SLC38A6: variants seen among roughly 807,000 people sequenced by gnomAD.
The protein encoded by SLC38A6 is solute carrier family 38 member 6, also known as N system amino acid transporter NAT-1.
SLC38A6 carries 73 observed loss-of-function variants against 65.0 expected under a neutral mutation model. That is an observed-to-expected ratio of 1.12 (90% confidence interval 0.93 to 1.37). The LOEUF (loss-of-function observed/expected upper bound fraction) is 1.37. Among genes scored for constraint, SLC38A6 ranks in the 40% most tolerant of loss-of-function variants. SLC38A6 has a pLI of 0.00. For synonymous variants in SLC38A6, 183 were observed against 178.8 expected, an observed-to-expected ratio of 1.02 and a Z score of -0.19; for missense variants, 561 against 531.1, an observed-to-expected ratio of 1.06 and a Z score of -0.55.
intron 3 of SLC38A6, among the ~76,000 whole-genome samples, chr14:60,996,478 A>G (rs190279302): frequency 5.7e-4 from 87 of 152,232 alleles, no homozygotes; most frequent in East Asian, 5.0e-3. Context: ...AGAAAAGATA[A>G]GAAAATTAGA....
At chr14:61,041,795 G>A (rs942096352) in intron 8 of SLC38A6, among the ~76,000 whole-genome samples, 12 of 152,118 alleles carry the variant, frequency 7.9e-5, no homozygotes, top group Non-Finnish European at 1.5e-4. Context: ...AGGCACTCGG[G>A]AGGCTGAGGT....
chr14:61,007,439 G>T (rs2039224841), intron 3 of SLC38A6, among the ~76,000 whole-genome samples: 1 of 152,142 alleles, frequency 6.6e-6, no homozygotes, highest in African/African-American at 2.4e-5. Flanking sequence ...AGATTAACCT[G>T]GGCAACATAG....
At chr14:60,988,278 C>CA (rs941707200) in intron 3 of SLC38A6, among the ~76,000 whole-genome samples, 2 of 152,186 alleles carry the variant, frequency 1.3e-5, no homozygotes, top group African/African-American at 4.8e-5. Flanking sequence ...TTGAACCCCC[C>CA]AGCTTTTAAT....
intron 9 of SLC38A6, 91 bp from the exon 10 acceptor site, chr14:61,043,359 C>A: frequency 8.7e-7 from 1 of 1,149,718 alleles, no homozygotes; most frequent in South Asian, 1.5e-5. Context: ...CATTTGAAAG[C>A]CTAGTAATAA....
intron 3 of SLC38A6, among the ~76,000 whole-genome samples, chr14:60,996,531 G>C (rs1340551869): frequency 6.6e-6 from 1 of 151,726 alleles, no homozygotes. Context: ...TAGAAATTCT[G>C]CAACAAGAAA....
At chr14:61,061,827 TTTTGTTTTG>T (rs1450295807) in intron 15 of SLC38A6, among the ~76,000 whole-genome samples, 16 of 145,230 alleles carry the variant, frequency 1.1e-4, no homozygotes, top group East Asian at 5.9e-4. Flanking sequence ...GTGCAGGTTT[TTTTGTTTTG>T]TTTTGTTTTG....
intron 13 of SLC38A6, 42 bp from the exon 14 acceptor site, chr14:61,051,745 G>A (rs1281065981): frequency 6.2e-7 from 1 of 1,601,754 alleles, no homozygotes; most frequent in East Asian, 2.2e-5. Context: ...TCTGGACTTT[G>A]ACATTTCCTC....
At chr14:61,025,101 C>G (rs1368307257) in intron 5 of SLC38A6, among the ~76,000 whole-genome samples, 1 of 152,086 alleles carries the variant, frequency 6.6e-6, no homozygotes, top group African/African-American at 2.4e-5. Context: ...GCACAGAATC[C>G]ACACACCTTA....
chr14:61,051,505 TTTA>T (rs778280762), intron 13 of SLC38A6, among the ~76,000 whole-genome samples: 27 of 152,310 alleles, frequency 1.8e-4, no homozygotes, highest in Non-Finnish European at 3.2e-4. Context: ...TTTTCATATT[TTTA>T]TTGTTGGTAA....
intron 1 of SLC38A6, chr14:60,981,585 C>G: frequency 1.3e-6 from 2 of 1,514,332 alleles, no homozygotes; most frequent in Non-Finnish European, 1.8e-6. Flanking sequence ...CTAGCATACT[C>G]TAGAAAGAAA....
chr14:61,026,735 C>T (rs2040634037), intron 5 of SLC38A6, among the ~76,000 whole-genome samples: 1 of 151,678 alleles, frequency 6.6e-6, no homozygotes, highest in Non-Finnish European at 1.5e-5. Flanking sequence ...CCCAGGCGGG[C>T]TGTTTGCACC....
At chr14:61,070,606 CT>C (rs1482977190) in intron 15 of SLC38A6, among the ~76,000 whole-genome samples, 12 of 152,210 alleles carry the variant, frequency 7.9e-5, no homozygotes, top group Admixed American at 7.9e-4. Flanking sequence ...TATGGTAGTT[CT>C]ATTTTAAATT....
chr14:61,013,949 A>T (rs1035755276), intron 3 of SLC38A6, among the ~76,000 whole-genome samples: 2 of 152,196 alleles, frequency 1.3e-5, no homozygotes, highest in Non-Finnish European at 2.9e-5. Context: ...AGGCTGGGGA[A>T]GTTCTCCTGG....
At chr14:61,061,166 A>G (rs899304935) in intron 15 of SLC38A6, among the ~76,000 whole-genome samples, 5 of 152,218 alleles carry the variant, frequency 3.3e-5, no homozygotes, top group African/African-American at 1.2e-4. Flanking sequence ...GAATTTTATC[A>G]GAAGCCTTTT....
chr14:60,986,265 A>G (rs1464518800), intron 3 of SLC38A6, among the ~76,000 whole-genome samples: 1 of 152,270 alleles, frequency 6.6e-6, no homozygotes, highest in Non-Finnish European at 1.5e-5. Flanking sequence ...TTTTATACAC[A>G]GAGAGCTCTA....
chr14:60,984,762 C>T lies in SLC38A6; in HGVS notation c.269C>T (p.Ser90Phe), dbSNP rs777457859. ...CTGCTGACAGTTGCTCTCCTGGCTT[C>T]TTACTCAGTCCATCTTCTGCTTAGT... ...FLLLTVALLA[S>F]YSVHLLLSMC... The change falls in exon 3 of 16, where the codon TCT (serine) becomes TTT (phenylalanine). Residue 90 changes from serine (S) to phenylalanine (F), a missense_variant. Ser to Phe is a radical substitution (Grantham distance 155). Coordinates refer to ENST00000267488, the MANE Select transcript of SLC38A6 (RefSeq NM_153811.3). 9 of 1,613,968 alleles carry T rather than the reference C, an allele frequency of 5.6e-6. No individual in the cohort carries two copies. In the South Asian group the frequency reaches 8.8e-5, roughly 16 times the overall value.
chr14:61,003,075 C>T (rs1448815600), intron 3 of SLC38A6, among the ~76,000 whole-genome samples: 2 of 151,802 alleles, frequency 1.3e-5, no homozygotes, highest in Non-Finnish European at 1.5e-5. Context: ...TACTAAACAC[C>T]AGAGAAAATT....
rs189717295 is a variant in SLC38A6 at position 61,076,189 on chromosome 14, G to A, written c.1291-2621G>A. On this transcript the variant is annotated intron_variant, in intron 15 of 16. Transcript: ENST00000354886. ...ACTTCTACTTAGATGGTGGCAGTAGGAATCAGAGGGAGTGGGGCCCCTAGG... is the reference window on the plus strand; with the variant it reads ...ACTTCTACTTAGATGGTGGCAGTAGAAATCAGAGGGAGTGGGGCCCCTAGG... Among the ~76,000 whole-genome samples, 91 of 152,300 alleles carry A rather than the reference G, an allele frequency of 6.0e-4. No homozygotes were observed. In the Middle Eastern group the frequency reaches 0.01, roughly 17 times the overall value.
At chr14:61,015,157 C>G (rs1288150632) in intron 3 of SLC38A6, among the ~76,000 whole-genome samples, 1 of 152,318 alleles carries the variant, frequency 6.6e-6, no homozygotes, top group East Asian at 1.9e-4. Context: ...GAGCGAGGCT[C>G]CGTGGGCATA....
Sources: gnomAD v4.1 joint callset for allele counts (sites outside exome capture counted in the v4.1 genomes callset) on GRCh38, gnomAD v4.1.1 for gene constraint, MANE v1.5 for transcripts, NCBI Gene and HGNC (gene_info 2026-07-23, HGNC 2026-07-21) for gene names.